KAZN: variants seen among roughly 807,000 people sequenced by gnomAD.
KAZN encodes the protein kazrin.
Under a neutral mutation model 87.4 loss-of-function variants are expected in KAZN, and 40 were observed. The observed-to-expected ratio is 0.46, with a 90% CI of 0.36 to 0.60. The LOEUF is 0.60. Ranked by LOEUF, KAZN falls within the 20% of genes least tolerant of loss-of-function variation. The pLI, the probability that KAZN is intolerant of heterozygous loss-of-function variation, is 0.00. For synonymous variants in KAZN, 466 were observed against 458.3 expected, an observed-to-expected ratio of 1.02 and a Z score of -0.22; for missense variants, 898 against 1,073.9, an observed-to-expected ratio of 0.84 and a Z score of 2.29.
At chr1:14,690,952 G>T (rs1305158483) in intron 1 of KAZN, among the ~76,000 whole-genome samples, 1 of 152,068 alleles carries the variant, frequency 6.6e-6, no homozygotes, top group Non-Finnish European at 1.5e-5. Flanking sequence ...TGCTGGATAA[G>T]ACCACTTGGA....
intron 1 of KAZN, among the ~76,000 whole-genome samples, chr1:14,800,657 T>C (rs7530849): frequency 1.3e-5 from 2 of 152,038 alleles, no homozygotes; most frequent in Non-Finnish European, 2.9e-5. Flanking sequence ...CGAGCCATGA[T>C]TGCAACACCA....
At chr1:14,503,376 C>T (rs1445165029) in intron 2 of KAZN, among the ~76,000 whole-genome samples, 1 of 150,494 alleles carries the variant, frequency 6.6e-6, no homozygotes, top group Non-Finnish European at 1.5e-5. Context: ...CCCAGCTACT[C>T]GGGAGGCTGA....
intron 1 of KAZN, among the ~76,000 whole-genome samples, chr1:14,943,098 T>C (rs1661332182): frequency 6.7e-6 from 1 of 149,992 alleles, no homozygotes. Flanking sequence ...TTTACATTTT[T>C]CGAATAGTTT....
At chr1:14,668,729 C>T (rs1190195536) in intron 1 of KAZN, among the ~76,000 whole-genome samples, 3 of 152,136 alleles carry the variant, frequency 2.0e-5, no homozygotes, top group Admixed American at 1.3e-4. Context: ...GATAGTTTGT[C>T]GCAGGAATTC....
At chr1:13,972,800 G>T (rs1642184663) in intron 1 of KAZN, among the ~76,000 whole-genome samples, 1 of 152,178 alleles carries the variant, frequency 6.6e-6, no homozygotes, top group Non-Finnish European at 1.5e-5. Flanking sequence ...GTGTCTTTGG[G>T]AAAGTAATTT....
chr1:14,152,542 C>G (rs1018352495), intron 1 of KAZN, among the ~76,000 whole-genome samples: 1 of 152,170 alleles, frequency 6.6e-6, no homozygotes, highest in African/African-American at 2.4e-5. Context: ...ATGGCTAACT[C>G]GTACTCCATT....
chr1:14,733,110 C>T (rs1052203920), intron 1 of KAZN, among the ~76,000 whole-genome samples: 1 of 152,118 alleles, frequency 6.6e-6, no homozygotes, highest in Non-Finnish European at 1.5e-5. Flanking sequence ...GAGTGTTTCT[C>T]GGGGATCTGT....
intron 2 of KAZN, among the ~76,000 whole-genome samples, chr1:14,356,663 C>T (rs1418268012): frequency 1.3e-5 from 2 of 152,164 alleles, no homozygotes; most frequent in African/African-American, 4.8e-5. Context: ...GTTTTCCCAA[C>T]ACCATTTATT....
chr1:14,589,742 G>C (rs202063271), intron 2 of KAZN, among the ~76,000 whole-genome samples: 1 of 152,134 alleles, frequency 6.6e-6, no homozygotes, highest in Non-Finnish European at 1.5e-5. Context: ...CTCTGGTCTT[G>C]TGGTACCTAA....
In KAZN at chr1:14,005,022, G is replaced by A. The variant is rs143791061; in HGVS notation, c.91+111266G>A. 2.0e-3 allele frequency among the ~76,000 whole-genome samples: 300 copies of A among 151,784 alleles called. 2 individuals carry two copies. Among genetic ancestry groups the A allele is most frequent in the African/African-American group, 7.0e-3 (287 of 41,186 alleles). On this transcript the variant is annotated intron_variant, in intron 1 of 16. Transcript: ENST00000636203. ...GTCTCTTATCAGATGCACTCCCTCC[G>A]CTTTAGACTTTCCAGCCTCCATAAC...
In KAZN at chr1:14,274,766, CAG is replaced by C. The variant is rs548003956; in HGVS notation, c.249+94177_249+94178del. On this transcript the variant is annotated intron_variant, in intron 2 of 16. Transcript: ENST00000636203. ...CTTCAATTTCCTCAAATCTACAAAA[CAG>C]AGTGATAATACACACATCACAGCAT... Among the ~76,000 whole-genome samples, 23 of 152,168 alleles carry C rather than the reference CAG, an allele frequency of 1.5e-4. No individual in the cohort carries two copies. The East Asian group carries it at 4.3e-3, about 28-fold the overall frequency.
chr1:13,932,072 G>T (rs1640538708), intron 1 of KAZN, among the ~76,000 whole-genome samples: 1 of 147,138 alleles, frequency 6.8e-6, no homozygotes, highest in African/African-American at 2.5e-5. Flanking sequence ...TGGCCAGGCT[G>T]GTCTCAAATT....
At chr1:14,292,635 G>A (rs924835232) in intron 2 of KAZN, among the ~76,000 whole-genome samples, 17 of 152,224 alleles carry the variant, frequency 1.1e-4, no homozygotes, top group Non-Finnish European at 2.1e-4. Context: ...CCTCATTGCA[G>A]AGGTGCAGAG....
chr1:14,142,055 G>T (rs903870979), intron 1 of KAZN, among the ~76,000 whole-genome samples: 7 of 150,236 alleles, frequency 4.7e-5, no homozygotes, highest in African/African-American at 1.7e-4. Context: ...GTAGAAGCAA[G>T]GTTGTTCTCT....
intron 1 of KAZN, among the ~76,000 whole-genome samples, chr1:13,934,842 T>C (rs1640659460): frequency 6.6e-6 from 1 of 152,190 alleles, no homozygotes; most frequent in African/African-American, 2.4e-5. Context: ...AGGTGGAAAC[T>C]GGGTCTTACT....
chr1:14,514,086 C>T (rs12021714), intron 2 of KAZN, among the ~76,000 whole-genome samples: 19,963 of 149,020 alleles, frequency 0.13, 2,060 homozygotes, highest in African/African-American at 0.28. Flanking sequence ...TTTGGGAGGC[C>T]GAGGCAGGTG....
chr1:13,930,833 C>T (rs1376171528), intron 1 of KAZN, among the ~76,000 whole-genome samples: 3 of 152,168 alleles, frequency 2.0e-5, no homozygotes, highest in East Asian at 1.9e-4. Flanking sequence ...CTGGTCATCC[C>T]GTAACAGCCA....
chr1:14,875,536 C>T (rs1344695057), intron 1 of KAZN, among the ~76,000 whole-genome samples: 2 of 151,082 alleles, frequency 1.3e-5, no homozygotes, highest in Non-Finnish European at 3.0e-5. Flanking sequence ...GAAGCCATTT[C>T]TTCCTTCTCC....
chr1:14,703,187 G>A (rs114156347), intron 1 of KAZN, among the ~76,000 whole-genome samples: 1,563 of 152,298 alleles, frequency 0.01, 26 homozygotes, highest in African/African-American at 0.035. Context: ...ACATCATGGA[G>A]GAGATTGGTC....
Sources: allele counts gnomAD v4.1 joint callset (sites outside exome capture counted in the v4.1 genomes callset), GRCh38; gene constraint gnomAD v4.1.1; transcripts MANE v1.5; gene names NCBI Gene and HGNC (gene_info 2026-07-23, HGNC 2026-07-21).